The following SDK1 variants were observed in gnomAD, a reference collection of about 807,000 sequenced individuals.
SDK1 encodes protein sidekick-1.
Under a neutral mutation model 245.5 loss-of-function variants are expected in SDK1, and 157 were observed. The ratio of observed to expected loss-of-function variants is 0.64; its 90% CI spans 0.56 to 0.73. The LOEUF is 0.73. SDK1 is among the 30% of genes least tolerant of loss of function. The probability of loss-of-function intolerance (pLI) is 0.00; values close to 1 mark genes in which losing one functional copy is unlikely to be tolerated. For missense variants in SDK1, 3,583 were observed against 3,002.3 expected (o/e 1.19, Z -4.52); for synonymous variants, 1,647 against 1,278.5 (o/e 1.29, Z -6.15).
chr7:3,475,350 G>A (rs1001203926), intron 1 of SDK1, among the ~76,000 whole-genome samples: 1 of 151,984 alleles, frequency 6.6e-6, no homozygotes, highest in African/African-American at 2.4e-5. Flanking sequence ...CCACCTATTC[G>A]CACTGGTTCA....
chr7:3,633,220 G>C (rs1465885091), intron 2 of SDK1, among the ~76,000 whole-genome samples: 1 of 152,080 alleles, frequency 6.6e-6, no homozygotes, highest in African/African-American at 2.4e-5. Flanking sequence ...CTTATCTAAA[G>C]TGACATAAAA....
chr7:3,570,619 T>A (rs1310469176), intron 1 of SDK1, among the ~76,000 whole-genome samples: 1 of 152,226 alleles, frequency 6.6e-6, no homozygotes, highest in Non-Finnish European at 1.5e-5. Flanking sequence ...ATACTTCTTG[T>A]TTTCTAATGA....
chr7:3,507,164 C>G (rs932872651), intron 1 of SDK1, among the ~76,000 whole-genome samples: 1 of 152,150 alleles, frequency 6.6e-6, no homozygotes, highest in African/African-American at 2.4e-5. Context: ...CAGTGGGACT[C>G]TAATGTCTTC....
chr7:3,553,636 T>C (rs928236390), intron 1 of SDK1, among the ~76,000 whole-genome samples: 7 of 152,160 alleles, frequency 4.6e-5, no homozygotes, highest in African/African-American at 7.2e-5. Flanking sequence ...GAAATACTCT[T>C]CTTTCTTGCT....
At chr7:3,949,201 A>G (rs1475907131) in intron 5 of SDK1, among the ~76,000 whole-genome samples, 3 of 152,218 alleles carry the variant, frequency 2.0e-5, no homozygotes, top group Non-Finnish European at 2.9e-5. Context: ...AGGCTGCCTC[A>G]GCCCCCCAGG....
intron 1 of SDK1, among the ~76,000 whole-genome samples, chr7:3,410,738 T>A (rs577129615): frequency 3.5e-4 from 53 of 152,036 alleles, no homozygotes; most frequent in Non-Finnish European, 6.9e-4. Flanking sequence ...AGGCACACAC[T>A]ACCATGCCCA....
At chr7:3,756,401 A>G (rs1014543308) in intron 4 of SDK1, among the ~76,000 whole-genome samples, 4 of 151,770 alleles carry the variant, frequency 2.6e-5, no homozygotes, top group Admixed American at 6.6e-5. Context: ...ACACATGCAT[A>G]TCATTGATGT....
chr7:4,219,984 T>A, intron 38 of SDK1, 125 bp from the exon 39 acceptor site: 1 of 1,154,188 alleles, frequency 8.7e-7, no homozygotes, highest in East Asian at 2.5e-5. Flanking sequence ...AAACTCCTAA[T>A]AGTAAGAAAT....
At chr7:3,654,498 T>C (rs143819213) in intron 4 of SDK1, among the ~76,000 whole-genome samples, 1,608 of 152,328 alleles carry the variant, frequency 0.011, 17 homozygotes, top group Non-Finnish European at 0.015. Context: ...GGTTACCTTA[T>C]AAGCAATAAT....
At chr7:3,943,406 C>A (rs889228355) in intron 5 of SDK1, among the ~76,000 whole-genome samples, 1 of 142,692 alleles carries the variant, frequency 7.0e-6, no homozygotes, top group Non-Finnish European at 1.5e-5. Context: ...CCTCCTCCTC[C>A]GTCCTCCCCA....
At chr7:3,994,269 A>G (rs147261877) in intron 14 of SDK1, among the ~76,000 whole-genome samples, 2 of 152,264 alleles carry the variant, frequency 1.3e-5, no homozygotes, top group Non-Finnish European at 2.9e-5. Flanking sequence ...CTACACCTCC[A>G]TGTCCCAGGG....
In SDK1 at chr7:3,818,311, G is replaced by A. The variant is rs539154242; in HGVS notation, c.714-3139G>A. ...TCATCTGGAGCTATGTTATAATAAGGCCAGGTAATTCATATTATGGGCAAA... is the reference window on the plus strand; with the variant it reads ...TCATCTGGAGCTATGTTATAATAAGACCAGGTAATTCATATTATGGGCAAA... On this transcript the variant is annotated intron_variant, in intron 4 of 44. Coordinates refer to ENST00000404826, the MANE Select transcript of SDK1 (RefSeq NM_152744.4). Among the ~76,000 whole-genome samples, 16 of 152,260 alleles carry A rather than the reference G, an allele frequency of 1.1e-4. 1 individual carries two copies. The South Asian group carries it at 3.3e-3, about 32-fold the overall frequency.
At chr7:4,216,498 G>A (rs968280899) in intron 38 of SDK1, among the ~76,000 whole-genome samples, 3 of 152,192 alleles carry the variant, frequency 2.0e-5, no homozygotes, top group Non-Finnish European at 4.4e-5. Flanking sequence ...TCCCAACGGG[G>A]AACCACAAAA....
chr7:3,762,754 G>A (rs745944891), intron 4 of SDK1, among the ~76,000 whole-genome samples: 1 of 152,198 alleles, frequency 6.6e-6, no homozygotes, highest in African/African-American at 2.4e-5. Flanking sequence ...CATGAAGTGT[G>A]AAGAGACCAC....
intron 1 of SDK1, among the ~76,000 whole-genome samples, chr7:3,416,999 A>G (rs566858128): frequency 1.8e-4 from 28 of 152,044 alleles, no homozygotes; most frequent in African/African-American, 5.8e-4. Context: ...ATGGTGAAAC[A>G]CTGTCTCTAC....
At chr7:4,172,634 A>C (rs1781919959) in intron 32 of SDK1, among the ~76,000 whole-genome samples, 1 of 152,174 alleles carries the variant, frequency 6.6e-6, no homozygotes, top group South Asian at 2.1e-4. Flanking sequence ...GGTGGTTGGA[A>C]AGGGCAGAGC....
Position 3,821,457 on chromosome 7 carries a change from A to G in SDK1, c.721A>G (p.Thr241Ala). The change falls in exon 5 of 45, where the codon ACA becomes GCA. Residue 241 changes from threonine to alanine, a missense_variant. Transcript: ENST00000404826. ...TCTTCTTTTCTGAAACAGAGCCATC[A>G]CATTGGAGAATCAGCTGGTGATCCT... ...KIIPSNRIAI[T>A]LENQLVILAT... The G allele has an allele frequency of 1.9e-6, 3 of 1,613,518 alleles. No homozygotes were observed. The highest frequency in any genetic ancestry group is 1.7e-6 in the Non-Finnish European group (2 of 1,179,738).
intron 1 of SDK1, among the ~76,000 whole-genome samples, chr7:3,608,445 G>C (rs991243485): frequency 6.6e-6 from 1 of 152,106 alleles, no homozygotes; most frequent in Non-Finnish European, 1.5e-5. Flanking sequence ...TGAAAATGAA[G>C]AAAATAAGCT....
At chr7:3,811,752 G>A (rs1779389984) in intron 4 of SDK1, among the ~76,000 whole-genome samples, 1 of 152,174 alleles carries the variant, frequency 6.6e-6, no homozygotes, top group African/African-American at 2.4e-5. Context: ...AAGGCACGTG[G>A]GTAGATGGTC....
Sources: allele counts gnomAD v4.1 joint callset (sites outside exome capture counted in the v4.1 genomes callset), GRCh38; gene constraint gnomAD v4.1.1; transcripts MANE v1.5; gene names NCBI Gene and HGNC (gene_info 2026-07-23, HGNC 2026-07-21).